The following FBXO21 variants were observed in gnomAD, a reference collection of about 807,000 sequenced individuals.
FBXO21 encodes F-box only protein 21.
In FBXO21, 32 loss-of-function variants were observed where a neutral mutation model predicts 76.6. The ratio of observed to expected loss-of-function variants is 0.42; its 90% confidence interval spans 0.32 to 0.56. The LOEUF (loss-of-function observed/expected upper bound fraction) is 0.56, where lower values mean the gene tolerates loss of function less well. FBXO21 is among the 20% of genes least tolerant of loss of function. The probability of loss-of-function intolerance (pLI) is 0.16; values close to 1 mark genes in which losing one functional copy is unlikely to be tolerated. For synonymous variants in FBXO21, 328 were observed against 311.5 expected, an observed-to-expected ratio of 1.05 and a Z score of -0.56; for missense variants, 586 against 797.3, an observed-to-expected ratio of 0.73 and a Z score of 3.19.
intron 11 of FBXO21, among the ~76,000 whole-genome samples, chr12:117,147,137 G>C (rs1955779962): frequency 6.6e-6 from 1 of 151,874 alleles, no homozygotes; most frequent in African/African-American, 2.4e-5. Context: ...AGCTACTCAG[G>C]AGGCTGAGAC....
chr12:117,177,372 C>G (rs1310517139), intron 4 of FBXO21, 148 bp downstream of exon 4: 1 of 619,522 alleles, frequency 1.6e-6, no homozygotes, highest in African/African-American at 1.8e-5. Flanking sequence ...TTGATCAGGC[C>G]CTATAATCCA....
At chr12:117,173,461 G>T (rs955796017) in intron 6 of FBXO21, among the ~76,000 whole-genome samples, 5 of 152,148 alleles carry the variant, frequency 3.3e-5, no homozygotes, top group Admixed American at 6.5e-5. Flanking sequence ...AAAATAAAAT[G>T]AAAGTAGCAG....
intron 3 of FBXO21, among the ~76,000 whole-genome samples, chr12:117,180,043 C>T (rs1048934325): frequency 4.6e-5 from 7 of 152,226 alleles, no homozygotes; most frequent in Non-Finnish European, 1.0e-4. Context: ...GATGCTCTAA[C>T]TGTCACATCT....
chr12:117,189,383 C>A, intron 1 of FBXO21, 21 bp from the exon 2 acceptor site: 1 of 1,614,012 alleles, frequency 6.2e-7, no homozygotes, highest in Non-Finnish European at 8.5e-7. Flanking sequence ...AGAAACACCC[C>A]CTCAGCTTAA....
intron 3 of FBXO21, among the ~76,000 whole-genome samples, chr12:117,182,871 C>T (rs1487060018): frequency 6.6e-6 from 1 of 151,982 alleles, no homozygotes; most frequent in South Asian, 2.1e-4. Flanking sequence ...CTGGGAAGAT[C>T]TCTTGAGGCC....
chr12:117,168,672 G>A (rs1343553577), intron 7 of FBXO21, among the ~76,000 whole-genome samples: 1 of 152,092 alleles, frequency 6.6e-6, no homozygotes, highest in East Asian at 1.9e-4. Flanking sequence ...AAATTTCTAG[G>A]CCAAGATCAT....
intron 11 of FBXO21, 114 bp downstream of exon 11, chr12:117,155,677 C>T: frequency 2.1e-5 from 26 of 1,220,496 alleles, no homozygotes; most frequent in Non-Finnish European, 2.9e-5. Flanking sequence ...CATGGGGCGT[C>T]GGCCGCCTCT....
chr12:117,185,397 A>G (rs1034573249), intron 3 of FBXO21, among the ~76,000 whole-genome samples: 1 of 152,214 alleles, frequency 6.6e-6, no homozygotes, highest in African/African-American at 2.4e-5. Context: ...TGTTTGTGAG[A>G]TATTTCGCAA....
At chr12:117,159,630 G>A (rs539595976) in intron 9 of FBXO21, among the ~76,000 whole-genome samples, 3 of 152,252 alleles carry the variant, frequency 2.0e-5, no homozygotes, top group African/African-American at 7.2e-5. Flanking sequence ...TTTTAATTGT[G>A]GGACACTCGC....
Position 117,145,336 on chromosome 12 carries a change from C to T in FBXO21, c.*751G>A, listed in dbSNP as rs1955757829. ...TGGAAAAATCCATTCACAAAGTTCA[C>T]TATTTGCATTTTCTAAAAGAATTTT... On this transcript the variant is annotated 3_prime_UTR_variant, in exon 12 of 12. Transcript: ENST00000622495. 3 of 151,722 alleles carry T rather than the reference C, an allele frequency of 2.0e-5. No homozygotes were observed. The highest frequency in any genetic ancestry group is 2.9e-5 in the Non-Finnish European group (2 of 67,956). 9.4% of individuals were successfully genotyped at this position (151,722 alleles called of 1,614,324 possible).
At chr12:117,163,122 G>A (rs1218239379) in intron 9 of FBXO21, among the ~76,000 whole-genome samples, 1 of 152,220 alleles carries the variant, frequency 6.6e-6, no homozygotes, top group Non-Finnish European at 1.5e-5. Context: ...ATCTCTGAAT[G>A]AGGGGTCACC....
At chr12:117,171,863 G>A (rs754700426) in intron 7 of FBXO21, among the ~76,000 whole-genome samples, 2 of 152,096 alleles carry the variant, frequency 1.3e-5, no homozygotes, top group Non-Finnish European at 2.9e-5. Flanking sequence ...GACTATAACT[G>A]AAAATGAGCT....
At chr12:117,162,137 G>C (rs949281831) in intron 9 of FBXO21, among the ~76,000 whole-genome samples, 1 of 152,250 alleles carries the variant, frequency 6.6e-6, no homozygotes, top group Non-Finnish European at 1.5e-5. Context: ...AGTGCTTTTT[G>C]TTTTTCTTCT....
intron 9 of FBXO21, among the ~76,000 whole-genome samples, chr12:117,163,014 A>G (rs1211519937): frequency 6.6e-6 from 1 of 152,134 alleles, no homozygotes; most frequent in Non-Finnish European, 1.5e-5. Context: ...GGAGTCCCAG[A>G]GTTTTCCTTG....
chr12:117,178,664 G>A (rs1956198602), intron 3 of FBXO21, among the ~76,000 whole-genome samples: 1 of 124,266 alleles, frequency 8.0e-6, no homozygotes, highest in African/African-American at 2.6e-5. Flanking sequence ...TCACCTTAGT[G>A]CCCTGTTCTT....
intron 8 of FBXO21, among the ~76,000 whole-genome samples, chr12:117,165,894 A>G (rs1312215901): frequency 6.6e-6 from 1 of 152,220 alleles, no homozygotes; most frequent in Non-Finnish European, 1.5e-5. Context: ...ACATAATTAA[A>G]AATGAATTCT....
chr12:117,152,101 A>C (rs1340275374), intron 11 of FBXO21, among the ~76,000 whole-genome samples: 1 of 151,684 alleles, frequency 6.6e-6, no homozygotes, highest in Non-Finnish European at 1.5e-5. Context: ...ATCAGGACTC[A>C]GACTTCACTC....
At position 117,189,264 on chromosome 12, in the gene FBXO21, A is replaced by G. The variant is rs956647691; in HGVS notation, c.338T>C (p.Ile113Thr). ...GAACCTCTTTGAGAACGAGGCTACA[A>G]TCTTCCGCGCTTCTAACCCAGCTTT... ...RQKAGLEARK[I>T]VASFSKRFFS... The change falls in exon 2 of 12, where the codon ATT becomes ACT. Residue 113 changes from isoleucine to threonine, a missense_variant. Coordinates refer to ENST00000622495, the MANE Select transcript of FBXO21 (RefSeq NM_015002.3). 2 of 1,614,094 alleles carry G rather than the reference A, an allele frequency of 1.2e-6. No individual in the cohort carries two copies. The highest frequency in any genetic ancestry group is 8.5e-7 in the Non-Finnish European group (1 of 1,180,054).
chr12:117,162,906 G>T (rs893489562), intron 9 of FBXO21, among the ~76,000 whole-genome samples: 15 of 152,234 alleles, frequency 9.9e-5, no homozygotes, highest in African/African-American at 3.6e-4. Context: ...TCTGCCCTCT[G>T]AAGTTGTTTT....
Sources: gnomAD v4.1 joint callset for allele counts (sites outside exome capture counted in the v4.1 genomes callset) on GRCh38, gnomAD v4.1.1 for gene constraint, MANE v1.5 for transcripts, NCBI Gene and HGNC (gene_info 2026-07-23, HGNC 2026-07-21) for gene names.